GSE1: variants seen among roughly 807,000 people sequenced by gnomAD.
The protein encoded by GSE1 is genetic suppressor element 1.
Under a neutral mutation model 112.6 loss-of-function variants are expected in GSE1, and 32 were observed. The observed-to-expected ratio is 0.28, with a 90% CI of 0.21 to 0.38. The LOEUF is 0.38. Among genes scored for constraint, GSE1 ranks in the 10% least tolerant of loss-of-function variants. GSE1 has a pLI of 1.00. For synonymous variants in GSE1, 1,115 were observed against 735.6 expected (o/e 1.52, Z -8.35); for missense variants, 2,348 against 1,699.2 (o/e 1.38, Z -6.71).
At chr16:85,555,511 C>T (rs1053875614), upstream of GSE1, 1 of 984,742 alleles carries the variant, frequency 1.0e-6, no homozygotes, top group African/African-American at 1.7e-5. Flanking sequence ...AAGAAATCTC[C>T]CCCTCGGTAC....
At chr16:85,170,393 A>G in exon 1 of GSE1, 1 of 985,508 alleles carries the variant, frequency 1.0e-6, no homozygotes, top group African/African-American at 1.7e-5. Flanking sequence ...GCCCCTGCAG[A>G]CGGCATGAAA....
intron 3 of GSE1, 23 bp from the exon 4 acceptor site, chr16:85,654,255 G>C (rs1047467986): frequency 6.4e-7 from 1 of 1,571,116 alleles, no homozygotes; most frequent in African/African-American, 1.4e-5. Flanking sequence ...CTCCTGCCCT[G>C]ACTGGACGCT....
At chr16:85,437,670 G>T (rs778896016) in intron 2 of GSE1, among the ~76,000 whole-genome samples, 5 of 152,120 alleles carry the variant, frequency 3.3e-5, no homozygotes, top group Non-Finnish European at 7.4e-5. Flanking sequence ...CCTGTCTCCT[G>T]CCCCACCTGG....
At chr16:85,485,327 C>T (rs2050798516) in intron 2 of GSE1, among the ~76,000 whole-genome samples, 1 of 152,374 alleles carries the variant, frequency 6.6e-6, no homozygotes, top group Middle Eastern at 3.4e-3. Flanking sequence ...TGCAGTCACA[C>T]AGCAGGGTGG....
At chr16:85,315,386 GC>G (rs1373098663) in intron 1 of GSE1, among the ~76,000 whole-genome samples, 1 of 152,190 alleles carries the variant, frequency 6.6e-6, no homozygotes, top group African/African-American at 2.4e-5. Flanking sequence ...CAGGGAACAG[GC>G]CGTGGTACCA....
At chr16:85,253,379 A>T (rs1008810949) in intron 1 of GSE1, among the ~76,000 whole-genome samples, 5 of 152,030 alleles carry the variant, frequency 3.3e-5, no homozygotes, top group African/African-American at 1.2e-4. Context: ...CCCCTGCCAG[A>T]TCCTGCAGAG....
At chr16:85,192,266 A>G (rs2074839025) in intron 1 of GSE1, among the ~76,000 whole-genome samples, 1 of 152,272 alleles carries the variant, frequency 6.6e-6, no homozygotes. Flanking sequence ...CTGGGGTTCA[A>G]ATCGGGGCTC....
chr16:85,565,969 C>T (rs1312060826), intron 1 of GSE1, among the ~76,000 whole-genome samples: 1 of 152,330 alleles, frequency 6.6e-6, no homozygotes, highest in East Asian at 1.9e-4. Context: ...CATCCTGCCT[C>T]TGCTCCTTAC....
chr16:85,450,054 A>T (rs1173975175), intron 2 of GSE1, among the ~76,000 whole-genome samples: 1 of 148,110 alleles, frequency 6.8e-6, no homozygotes. Context: ...AGCTGTCCCC[A>T]TGTAATGGGA....
chr16:85,604,651 C>T (rs1451827915), intron 1 of GSE1, among the ~76,000 whole-genome samples: 11 of 127,360 alleles, frequency 8.6e-5, no homozygotes, highest in East Asian at 2.7e-4. Context: ...CCTTCTGAGG[C>T]GGGAGGATCC....
intron 2 of GSE1, among the ~76,000 whole-genome samples, chr16:85,408,518 G>C (rs1597647276): frequency 2.4e-5 from 1 of 41,784 alleles, no homozygotes; most frequent in Non-Finnish European, 4.7e-5. Flanking sequence ...TTACACTCAG[G>C]CCCCCTGGAT....
At chr16:85,504,580 G>C (rs571620609) in intron 2 of GSE1, among the ~76,000 whole-genome samples, 43 of 152,310 alleles carry the variant, frequency 2.8e-4, no homozygotes, top group African/African-American at 1.0e-3. Flanking sequence ...TAAATAGTGA[G>C]TGATTGCCAC....
intron 1 of GSE1, among the ~76,000 whole-genome samples, chr16:85,204,222 A>G (rs2075077638): frequency 1.3e-5 from 2 of 152,214 alleles, no homozygotes; most frequent in African/African-American, 2.4e-5. Context: ...GAATCATAAC[A>G]TGTGACCTTT....
At chr16:85,477,566 G>GTT (rs553936246) in intron 2 of GSE1, among the ~76,000 whole-genome samples, 47,063 of 127,778 alleles carry the variant, frequency 0.37, 9,995 homozygotes, top group Non-Finnish European at 0.46. Flanking sequence ...TTTTTTTTTT[G>GTT]TTTTTTTTTT....
chr16:85,605,791 G>T (rs149457891), intron 1 of GSE1, among the ~76,000 whole-genome samples: 8 of 151,994 alleles, frequency 5.3e-5, no homozygotes, highest in Non-Finnish European at 1.2e-4. Flanking sequence ...GGTGCTGCCC[G>T]TAGCGAGCCG....
At chr16:85,355,674 A>G (rs1042932522) in intron 1 of GSE1, among the ~76,000 whole-genome samples, 1 of 152,196 alleles carries the variant, frequency 6.6e-6, no homozygotes, top group African/African-American at 2.4e-5. Flanking sequence ...ACACTTGGAA[A>G]TGGTCAGAAT....
intron 13 of GSE1, chr16:85,666,689 G>C (rs1468975843): frequency 3.5e-6 from 1 of 285,684 alleles, no homozygotes; most frequent in Non-Finnish European, 6.6e-6. Context: ...AAGAGCACTT[G>C]AGTGGATTTT....
chr16:85,380,623 G>A (rs2047525632), intron 2 of GSE1, among the ~76,000 whole-genome samples: 1 of 152,126 alleles, frequency 6.6e-6, no homozygotes, highest in African/African-American at 2.4e-5. Flanking sequence ...TTTGATCTGT[G>A]CTCTGCATTA....
In GSE1 at chr16:85,604,766, A is replaced by T. The variant is rs1202790227; in HGVS notation, c.38-43786A>T. ...TCAAAAAAAAAAAAAAAAAAAAAAA[A>T]AAAAAAAAATATATATATATATATA... On this transcript the variant is annotated intron_variant, in intron 1 of 2. Transcript: ENST00000635906. Among the ~76,000 whole-genome samples the T allele has an allele frequency of 1.0e-3, 5 of 4,810 alleles. No individual in the cohort carries two copies. The East Asian group carries it at 0.02, about 19-fold the overall frequency. 3.2% of individuals were successfully genotyped at this position (4,810 alleles called of 152,430 possible).
Sources: gnomAD v4.1 joint callset for allele counts (sites outside exome capture counted in the v4.1 genomes callset) on GRCh38, gnomAD v4.1.1 for gene constraint, MANE v1.5 for transcripts, NCBI Gene and HGNC (gene_info 2026-07-23, HGNC 2026-07-21) for gene names.